The following SQOR variants were observed in gnomAD, a reference collection of about 807,000 sequenced individuals.
SQOR encodes sulfide:quinone oxidoreductase, mitochondrial.
In SQOR, 39 loss-of-function variants were observed where a neutral mutation model predicts 48.6. The observed-to-expected ratio is 0.80, with a 90% CI of 0.62 to 1.05. The LOEUF is 1.05. SQOR is among the 50% of genes least tolerant of loss of function. SQOR has a pLI of 0.00. For missense variants in SQOR, 561 were observed against 559.9 expected, an observed-to-expected ratio of 1.00 and a Z score of -0.02; for synonymous variants, 220 against 206.2, an observed-to-expected ratio of 1.07 and a Z score of -0.57.
At chr15:45,688,486 C>T (rs1435647272) in intron 8 of SQOR, 82 bp downstream of exon 8, 4 of 983,360 alleles carry the variant, frequency 4.1e-6, no homozygotes, top group South Asian at 1.7e-5. Flanking sequence ...CAATTTTGCA[C>T]TTTCTGTCTT....
At chr15:45,682,708 T>C (rs766597098) in intron 7 of SQOR, 47 bp downstream of exon 7, 1 of 1,595,852 alleles carries the variant, frequency 6.3e-7, no homozygotes, top group East Asian at 2.2e-5. Context: ...ATATGTCACC[T>C]CAAGGCATGA....
At chr15:45,666,725 C>T (rs1889824134) in intron 3 of SQOR, among the ~76,000 whole-genome samples, 1 of 148,068 alleles carries the variant, frequency 6.8e-6, no homozygotes, top group Non-Finnish European at 1.5e-5. Context: ...GCTCCTTTTC[C>T]TCTCCCCTCC....
intron 9 of SQOR, 36 bp downstream of exon 9, chr15:45,689,253 G>C: frequency 6.2e-7 from 1 of 1,605,862 alleles, no homozygotes; most frequent in Non-Finnish European, 8.5e-7. Flanking sequence ...TGAGGAAAGG[G>C]ATTTGTAGCA....
In SQOR at chr15:45,657,900, G is replaced by T. The variant is rs925482642; in HGVS notation, c.-17-1007G>T. ...GAACTGGACTTGACGGTAGGATTTG[G>T]GGCACTGTCATACCCAGGGAGGGAG... On this transcript the variant is annotated intron_variant, in intron 1 of 9. Coordinates refer to ENST00000260324, the MANE Select transcript of SQOR (RefSeq NM_021199.4). 2.0e-5 allele frequency among the ~76,000 whole-genome samples: 3 copies of T among 152,122 alleles called. No homozygotes were observed. In the East Asian group the frequency reaches 5.8e-4, roughly 29 times the overall value.
intron 1 of SQOR, among the ~76,000 whole-genome samples, chr15:45,650,178 C>T (rs1215877792): frequency 6.6e-6 from 1 of 152,000 alleles, no homozygotes. Context: ...CTGGCTCTGT[C>T]GCCCAGGCTA....
In SQOR at chr15:45,688,379, T is replaced by G. The variant is rs1890258623; in HGVS notation, c.1091T>G (p.Met364Arg). 1.2e-6 allele frequency: 2 copies of G among 1,608,792 alleles called. No homozygotes were observed. The highest frequency in any genetic ancestry group is 4.5e-5 in the East Asian group (2 of 44,660). The change falls in exon 8 of 10, where the codon ATG (methionine) becomes AGG (arginine). Residue 364 changes from methionine to arginine, a missense_variant. Met to Arg is a moderately conservative substitution (Grantham distance 91). Coordinates refer to ENST00000260324, the MANE Select transcript of SQOR (RefSeq NM_021199.4). Reference protein sequence around the residue: ...GILDRTISVIMKNQTPTKKYD... With the variant: ...GILDRTISVIRKNQTPTKKYD... The stretch of plus-strand genomic sequence containing the variant: ...CTTGATAGGACAATTTCTGTAATTA[T>G]GAAGAATCAAACACCAACAAAGAAG...
chr15:45,680,138 A>G (rs4384558), intron 6 of SQOR, among the ~76,000 whole-genome samples: 14,542 of 151,798 alleles, frequency 0.096, 800 homozygotes, highest in East Asian at 0.25. Context: ...CCTAGGTTGG[A>G]GTGCAGTGGT....
chr15:45,682,486 G>A lies in SQOR; in HGVS notation c.873G>A (p.Met291Ile), dbSNP rs181686326. The A allele has an allele frequency of 6.2e-7, 1 of 1,614,074 alleles. No homozygotes were observed. Among genetic ancestry groups the A allele is most frequent in the Non-Finnish European group, 8.5e-7 (1 of 1,179,976 alleles). Residue 291 changes from methionine to isoleucine, a missense_variant, in exon 7 of 10, where the codon ATG becomes ATA. Physicochemically the swap from Met to Ile is conservative, Grantham distance 10. Coordinates refer to ENST00000260324, the MANE Select transcript of SQOR (RefSeq NM_021199.4). ...PGETQVISYE[M>I]LHVTPPMSPP... ...TCTCTCTTTGTGTGTAGTATGAAATGCTTCATGTCACACCTCCAATGAGCC... is the reference window on the plus strand; with the variant it reads ...TCTCTCTTTGTGTGTAGTATGAAATACTTCATGTCACACCTCCAATGAGCC...
At chr15:45,670,557 A>G (rs1297518584) in intron 4 of SQOR, among the ~76,000 whole-genome samples, 1 of 152,234 alleles carries the variant, frequency 6.6e-6, no homozygotes. Context: ...TCATTTTTCT[A>G]AAACATAGCA....
chr15:45,632,855 G>T (rs1286536979), upstream of SQOR, among the ~76,000 whole-genome samples: 1 of 151,852 alleles, frequency 6.6e-6, no homozygotes, highest in African/African-American at 2.4e-5. Context: ...TCTAATCCCA[G>T]TACCTTGAGA....
chr15:45,687,741 C>T (rs1194660269), intron 7 of SQOR, among the ~76,000 whole-genome samples: 2 of 147,102 alleles, frequency 1.4e-5, no homozygotes, highest in Non-Finnish European at 3.0e-5. Flanking sequence ...ATCTGTCTGT[C>T]GTTCTGTCTG....
chr15:45,651,896 T>TTCTTC, intron 1 of SQOR, among the ~76,000 whole-genome samples: 1 of 152,092 alleles, frequency 6.6e-6, no homozygotes, highest in South Asian at 2.1e-4. Context: ...TCTTCTTCTT[T>TTCTTC]CTTTTTTTTA....
intron 6 of SQOR, among the ~76,000 whole-genome samples, chr15:45,677,200 T>TC (rs1211250384): frequency 6.6e-6 from 1 of 151,576 alleles, no homozygotes; most frequent in Admixed American, 6.6e-5. Flanking sequence ...CTTCCTTCCT[T>TC]CTTTCCTTTC....
At chr15:45,676,902 G>C (rs1403310605) in intron 6 of SQOR, among the ~76,000 whole-genome samples, 1 of 152,046 alleles carries the variant, frequency 6.6e-6, no homozygotes, top group Non-Finnish European at 1.5e-5. Flanking sequence ...TTAGCTGGGC[G>C]TGGTGGCACA....
intron 6 of SQOR, among the ~76,000 whole-genome samples, chr15:45,682,233 A>C (rs1179204127): frequency 6.6e-6 from 1 of 152,184 alleles, no homozygotes; most frequent in Non-Finnish European, 1.5e-5. Flanking sequence ...ACGTGTGTCC[A>C]CAGGGCTCTC....
At position 45,662,244 on chromosome 15, in the gene SQOR, C is replaced by T. The variant is rs1230692519; in HGVS notation, c.405+119C>T. 2.5e-5 allele frequency: 27 copies of T among 1,063,566 alleles called. No homozygotes were observed. The South Asian group carries it at 3.2e-4, about 13-fold the overall frequency. 65.9% of individuals were successfully genotyped at this position (1,063,566 alleles called of 1,614,324 possible). A position where few individuals can be genotyped will look rare whatever the true frequency, so the allele number is the denominator to read the frequency against. On this transcript the variant is annotated intron_variant, in intron 3 of 9. Transcript: ENST00000260324. ...GTATATATGCATGTGTGTGCATGAA[C>T]GTATGTGTGTTGAATACTACACAAG...
At chr15:45,665,568 A>T in intron 3 of SQOR, among the ~76,000 whole-genome samples, 1 of 151,982 alleles carries the variant, frequency 6.6e-6, no homozygotes, top group Non-Finnish European at 1.5e-5. Context: ...CAAGTGACCA[A>T]ATCATTCCAT....
upstream of SQOR, chr15:45,631,812 ACTT>A (rs886581280): frequency 6.6e-6 from 1 of 151,892 alleles, no homozygotes; most frequent in African/African-American, 2.4e-5. Context: ...TCCTCCTATC[ACTT>A]CTTCTTCCCA....
intron 1 of SQOR, among the ~76,000 whole-genome samples, chr15:45,656,096 G>C (rs1482293614): frequency 6.6e-6 from 1 of 151,732 alleles, no homozygotes; most frequent in Admixed American, 6.6e-5. Flanking sequence ...GTTTAAAGTA[G>C]AGGCTCTCAC....
Sources: gnomAD v4.1 joint callset for allele counts (sites outside exome capture counted in the v4.1 genomes callset) on GRCh38, gnomAD v4.1.1 for gene constraint, MANE v1.5 for transcripts, NCBI Gene and HGNC (gene_info 2026-07-23, HGNC 2026-07-21) for gene names.